CLDN10: variants seen among roughly 807,000 people sequenced by gnomAD.
CLDN10 encodes claudin 10, also known as claudin-10.
In CLDN10, 15 loss-of-function variants were observed where a neutral mutation model predicts 22.9. The observed-to-expected ratio is 0.65, with a 90% confidence interval of 0.44 to 1.01. The LOEUF (loss-of-function observed/expected upper bound fraction) is 1.01, where lower values mean the gene tolerates loss of function less well. Ranked by LOEUF, CLDN10 falls within the 50% of genes least tolerant of loss-of-function variation. The pLI is 0.00. For missense variants in CLDN10, 247 were observed against 287.8 expected (o/e 0.86, Z 1.03); for synonymous variants, 114 against 111.4 (o/e 1.02, Z -0.15).
intron 1 of CLDN10, among the ~76,000 whole-genome samples, chr13:95,556,855 T>G (rs1235110992): frequency 6.6e-6 from 1 of 152,276 alleles, no homozygotes; most frequent in Non-Finnish European, 1.5e-5. Context: ...TTTCGTTTTT[T>G]GCTGATTTGC....
At chr13:95,448,992 G>C (rs1171488916) in intron 1 of CLDN10, among the ~76,000 whole-genome samples, 2 of 151,846 alleles carry the variant, frequency 1.3e-5, no homozygotes, top group African/African-American at 4.8e-5. Context: ...GCCTCCCTCG[G>C]CTTCCCAAAG....
At chr13:95,500,193 ACATTC>A (rs4001687) in intron 1 of CLDN10, among the ~76,000 whole-genome samples, 63,138 of 151,748 alleles carry the variant, frequency 0.42, 14,329 homozygotes, top group Non-Finnish European at 0.5. Flanking sequence ...CCTAGAGTCT[ACATTC>A]CATTCTATTG....
At chr13:95,547,589 G>A (rs2043522992) in intron 1 of CLDN10, among the ~76,000 whole-genome samples, 1 of 152,166 alleles carries the variant, frequency 6.6e-6, no homozygotes, top group South Asian at 2.1e-4. Flanking sequence ...TTTGAAAGAA[G>A]CTGTCATTTA....
intron 1 of CLDN10, among the ~76,000 whole-genome samples, chr13:95,500,105 GAC>G (rs2042969387): frequency 6.6e-6 from 1 of 152,144 alleles, no homozygotes; most frequent in African/African-American, 2.4e-5. Context: ...AATACTTACT[GAC>G]TGCCTGCTAT....
chr13:95,561,518 A>G (rs1041341212), intron 3 of CLDN10, among the ~76,000 whole-genome samples: 3 of 152,184 alleles, frequency 2.0e-5, no homozygotes, highest in Admixed American at 2.0e-4. Context: ...ATTTTATTTT[A>G]TTCTTACAAA....
intron 1 of CLDN10, among the ~76,000 whole-genome samples, chr13:95,465,626 T>A (rs549618668): frequency 6.6e-6 from 1 of 152,264 alleles, no homozygotes; most frequent in African/African-American, 2.4e-5. Flanking sequence ...TACACACACT[T>A]CCTATCATTT....
chr13:95,567,506 T>C (rs1400730923), intron 3 of CLDN10, among the ~76,000 whole-genome samples: 2 of 152,222 alleles, frequency 1.3e-5, no homozygotes, highest in Non-Finnish European at 2.9e-5. Context: ...GCTTATCAGC[T>C]TAAGGAGATT....
At chr13:95,541,176 A>T (rs2043456219) in intron 1 of CLDN10, among the ~76,000 whole-genome samples, 1 of 152,266 alleles carries the variant, frequency 6.6e-6, no homozygotes, top group African/African-American at 2.4e-5. Context: ...AAAGGAAATC[A>T]GGCCTTGTGC....
chr13:95,573,548 G>C (rs569180700), intron 3 of CLDN10, among the ~76,000 whole-genome samples: 12 of 143,708 alleles, frequency 8.4e-5, no homozygotes, highest in Admixed American at 7.0e-4. Flanking sequence ...TACCGAAAAG[G>C]AAGAAAGATT....
intron 1 of CLDN10, among the ~76,000 whole-genome samples, chr13:95,529,019 CT>C (rs1462751422): frequency 1.3e-5 from 2 of 152,080 alleles, no homozygotes; most frequent in East Asian, 1.9e-4. Context: ...TGAAACAAAG[CT>C]GGGAACAATG....
chr13:95,455,167 G>A (rs986972992), intron 1 of CLDN10, among the ~76,000 whole-genome samples: 2 of 150,206 alleles, frequency 1.3e-5, no homozygotes, highest in African/African-American at 4.9e-5. Context: ...ACCATGCCCA[G>A]TCAAGGATTA....
At chr13:95,482,714 C>A (rs2042762790) in intron 1 of CLDN10, among the ~76,000 whole-genome samples, 1 of 152,120 alleles carries the variant, frequency 6.6e-6, no homozygotes, top group African/African-American at 2.4e-5. Context: ...CGGTGGCTCA[C>A]GCCTGTAATC....
At chr13:95,503,301 A>G (rs891447824) in intron 1 of CLDN10, among the ~76,000 whole-genome samples, 8 of 152,252 alleles carry the variant, frequency 5.3e-5, no homozygotes, top group African/African-American at 1.9e-4. Flanking sequence ...TAGAGGGTCA[A>G]ACACTAAACC....
At chr13:95,559,107 C>T (rs1392415901) in intron 1 of CLDN10, among the ~76,000 whole-genome samples, 3 of 152,084 alleles carry the variant, frequency 2.0e-5, no homozygotes, top group South Asian at 2.1e-4. Flanking sequence ...TAATTCCAAA[C>T]GTAAACCTGA....
chr13:95,542,950 G>A (rs901074599), intron 1 of CLDN10, among the ~76,000 whole-genome samples: 1 of 151,936 alleles, frequency 6.6e-6, no homozygotes, highest in African/African-American at 2.4e-5. Context: ...CCACCCTTTA[G>A]GCTGGGCATG....
chr13:95,476,035 T>C (rs1229678602), intron 1 of CLDN10, among the ~76,000 whole-genome samples: 4 of 152,282 alleles, frequency 2.6e-5, no homozygotes, highest in Admixed American at 6.5e-5. Flanking sequence ...TCCTTCCGTG[T>C]GCCACTCCCC....
At chr13:95,459,944 C>A (rs2042519298) in intron 1 of CLDN10, among the ~76,000 whole-genome samples, 1 of 152,172 alleles carries the variant, frequency 6.6e-6, no homozygotes, top group East Asian at 1.9e-4. Flanking sequence ...CAAGAGCACC[C>A]AAGTTACCTC....
chr13:95,558,145 C>T (rs2043660953), intron 1 of CLDN10, among the ~76,000 whole-genome samples: 1 of 152,096 alleles, frequency 6.6e-6, no homozygotes, highest in South Asian at 2.1e-4. Flanking sequence ...ATGAATTTCA[C>T]AAAAAGAGCG....
At chr13:95,489,631 GTA>G (rs369083816) in intron 1 of CLDN10, among the ~76,000 whole-genome samples, 21 of 152,248 alleles carry the variant, frequency 1.4e-4, no homozygotes, top group African/African-American at 5.1e-4. Context: ...TTTGTCAGAT[GTA>G]TAGATTGTGA....
Sources: allele counts gnomAD v4.1 joint callset (sites outside exome capture counted in the v4.1 genomes callset), GRCh38; gene constraint gnomAD v4.1.1; transcripts MANE v1.5; gene names NCBI Gene and HGNC (gene_info 2026-07-23, HGNC 2026-07-21).